Variants in UGGT2 observed in about 807,000 individuals in gnomAD.
UGGT2 encodes UDP-glucose glycoprotein glucosyltransferase 2.
In UGGT2, 180 loss-of-function variants were observed where a neutral mutation model predicts 192.1. That is an observed-to-expected ratio of 0.94 (90% CI 0.83 to 1.06). UGGT2 has a LOEUF of 1.06. Among genes scored for constraint, UGGT2 ranks in the 50% least tolerant of loss-of-function variants. The probability of loss-of-function intolerance (pLI) is 0.00; values close to 1 mark genes in which losing one functional copy is unlikely to be tolerated. For missense variants in UGGT2, 1,849 were observed against 1,795.7 expected (o/e 1.03, Z -0.54); for synonymous variants, 580 against 591.0 (o/e 0.98, Z 0.27).
At chr13:95,817,820 A>G (rs1218533090) in intron 38 of UGGT2, among the ~76,000 whole-genome samples, 2 of 152,158 alleles carry the variant, frequency 1.3e-5, no homozygotes, top group African/African-American at 2.4e-5. Context: ...ATTACAGATG[A>G]CATTCATTGC....
intron 20 of UGGT2, among the ~76,000 whole-genome samples, chr13:95,907,366 A>C (rs2140317832): frequency 6.6e-6 from 1 of 152,226 alleles, no homozygotes; most frequent in East Asian, 1.9e-4. Flanking sequence ...ACTTCTGCAG[A>C]CTTAAACGTC....
chr13:95,973,197 T>C (rs2050831678), intron 10 of UGGT2, among the ~76,000 whole-genome samples: 1 of 151,704 alleles, frequency 6.6e-6, no homozygotes, highest in Non-Finnish European at 1.5e-5. Flanking sequence ...TAATAAATAA[T>C]AAATAAAAAT....
rs1218643806 is a variant in UGGT2, at chr13:95,927,023, A to T, written c.2200+5T>A. ...GAATTCAGGTAAATAAAATATGCTT[A>T]TTACCGTCTTGGGTTAAATAATACA... On this transcript the variant is annotated splice_donor_5th_base_variant and intron_variant, in intron 19 of 38. Coordinates refer to ENST00000376747, the MANE Select transcript of UGGT2 (RefSeq NM_020121.4). 1.9e-6 allele frequency: 3 copies of T among 1,593,564 alleles called. No homozygotes were observed. The highest frequency in any genetic ancestry group is 2.6e-6 in the Non-Finnish European group (3 of 1,172,920).
At chr13:96,019,123 G>C (rs1333441862) in intron 4 of UGGT2, among the ~76,000 whole-genome samples, 3 of 4,614 alleles carry the variant, frequency 6.5e-4, no homozygotes, top group Non-Finnish European at 1.9e-3. Flanking sequence ...CCTACATAGC[G>C]GGGGGGGGGG....
rs752822761 is a variant in UGGT2, at chr13:95,939,982, TG to T, written c.1786del (p.His596IlefsTer17). ...CTTTCTTTCTTCATCATATTTAGAA[TG>T]AATTCCCAAAATATCCCAAATATTA... ...HANIWDILGI[H>X]SKYDEERKAG... is the part of the protein sequence containing the mutation. On this transcript the variant is annotated frameshift_variant, in exon 16 of 39. Transcript: ENST00000376747. LOFTEE classifies it high-confidence loss of function. The T allele has an allele frequency of 1.1e-5, 17 of 1,601,980 alleles. No individual in the cohort carries two copies. The South Asian group carries it at 1.8e-4, about 17-fold the overall frequency.
At chr13:95,854,596 G>C (rs950887685) in intron 34 of UGGT2, 121 bp from the exon 35 acceptor site, 7 of 768,252 alleles carry the variant, frequency 9.1e-6, no homozygotes, top group African/African-American at 7.2e-5. Flanking sequence ...TGTCCTCACA[G>C]TGCTTTCATG....
intron 38 of UGGT2, among the ~76,000 whole-genome samples, chr13:95,805,270 T>TAAAAA (rs199678189): frequency 7.0e-6 from 1 of 141,938 alleles, no homozygotes. Context: ...ATGACTGCTA[T>TAAAAA]AAAAAAAAAA....
intron 2 of UGGT2, among the ~76,000 whole-genome samples, chr13:96,026,086 T>C (rs1031664157): frequency 6.6e-6 from 1 of 151,764 alleles, no homozygotes; most frequent in Non-Finnish European, 1.5e-5. Context: ...AAGAAAACTT[T>C]CCAGAATTAA....
Position 95,856,177 on chromosome 13 carries a change from A to G in UGGT2, c.3989T>C (p.Ile1330Thr), listed in dbSNP as rs376450207. Residue 1330 changes from isoleucine (I) to threonine (T), a missense_variant, in exon 34 of 39, where the codon ATT becomes ACT. Physicochemically the swap from Ile to Thr is moderately conservative, Grantham distance 89. Transcript: ENST00000376747. ...VLFPLAVDKIIFVDADQIVRH... is the reference protein window; with the variant it reads ...VLFPLAVDKITFVDADQIVRH... ...TATTACCTGGTCAGCATCAACAAAA[A>G]TGATTTTGTCCACTGCTAGTGGGAA... 9 of 1,610,950 alleles carry G rather than the reference A, an allele frequency of 5.6e-6. No homozygotes were observed. The South Asian group carries it at 7.7e-5, about 14-fold the overall frequency.
At chr13:95,909,823 G>C (rs941048905) in intron 20 of UGGT2, among the ~76,000 whole-genome samples, 1 of 88,036 alleles carries the variant, frequency 1.1e-5, no homozygotes, top group Non-Finnish European at 2.5e-5. Context: ...AAAAAAAACT[G>C]TTAAGGGCAA....
At chr13:95,861,960 T>A (rs1890209674) in intron 31 of UGGT2, among the ~76,000 whole-genome samples, 1 of 152,218 alleles carries the variant, frequency 6.6e-6, no homozygotes, top group South Asian at 2.1e-4. Flanking sequence ...GGTATCCTTT[T>A]AATATAGCAA....
chr13:95,801,633 A>C lies in UGGT2; in HGVS notation c.*157T>G. 6.1e-6 allele frequency: 4 copies of C among 651,352 alleles called. No homozygotes were observed. The highest frequency in any genetic ancestry group is 1.0e-5 in the Non-Finnish European group (4 of 397,234). 40.3% of individuals were successfully genotyped at this position (651,352 alleles called of 1,614,324 possible). A position where few individuals can be genotyped will look rare whatever the true frequency, so the allele number is the denominator to read the frequency against. On this transcript the variant is annotated 3_prime_UTR_variant, in exon 39 of 39. Coordinates refer to ENST00000376747, the MANE Select transcript of UGGT2 (RefSeq NM_020121.4). The stretch of plus-strand genomic sequence containing the variant: ...ATAACTTAAACTCATTCAATACATT[A>C]AATAACTGTTTTAAATAATTACAAT...
intron 10 of UGGT2, among the ~76,000 whole-genome samples, chr13:95,976,517 C>T (rs1480905571): frequency 2.0e-5 from 3 of 152,058 alleles, no homozygotes; most frequent in Admixed American, 1.3e-4. Flanking sequence ...TCCATTGTGG[C>T]TTTACTAATG....
intron 20 of UGGT2, among the ~76,000 whole-genome samples, chr13:95,903,687 A>G (rs2048181091): frequency 6.6e-6 from 1 of 152,194 alleles, no homozygotes. Flanking sequence ...ATTCCATCAT[A>G]TGAATATACA....
chr13:96,025,421 G>C (rs1467450363), intron 2 of UGGT2, among the ~76,000 whole-genome samples: 4 of 152,152 alleles, frequency 2.6e-5, no homozygotes, highest in African/African-American at 9.7e-5. Context: ...TATAGGCCAA[G>C]GGAAATAAGT....
At chr13:95,905,778 G>A (rs1267971625) in intron 20 of UGGT2, among the ~76,000 whole-genome samples, 3 of 151,884 alleles carry the variant, frequency 2.0e-5, no homozygotes, top group South Asian at 2.1e-4. Context: ...TTGGTGATGC[G>A]GGCTCTTTTT....
chr13:95,860,832 G>A lies in UGGT2; in HGVS notation c.3696C>T (p.Asn1232=), dbSNP rs375438988. The stretch of plus-strand genomic sequence containing the variant: ...AATGACCAGAAGCAACTGAAAAAAT[G>A]TTTAGGACATCTTTTTCCTTTTTGT... ...KENKKEKDVL[N]IFSVASGHLY... is the part of the protein sequence containing the mutation. Residue 1232 remains asparagine (N), a synonymous_variant, in exon 32 of 39, where the codon AAC becomes AAT. Transcript: ENST00000376747. 4.3e-5 allele frequency: 68 copies of A among 1,569,632 alleles called. No individual in the cohort carries two copies. The highest frequency in any genetic ancestry group is 5.9e-5 in the Non-Finnish European group (68 of 1,159,260).
At chr13:95,822,887 A>G (rs1885652807) in intron 38 of UGGT2, among the ~76,000 whole-genome samples, 1 of 151,518 alleles carries the variant, frequency 6.6e-6, no homozygotes. Flanking sequence ...GAGGTTGTCT[A>G]TTTGTGCTCT....
At chr13:95,932,013 TTC>T (rs1433653475) in intron 17 of UGGT2, among the ~76,000 whole-genome samples, 1 of 152,216 alleles carries the variant, frequency 6.6e-6, no homozygotes, top group Non-Finnish European at 1.5e-5. Flanking sequence ...TTCAGATTTG[TTC>T]TTTTTCTTGG....
Sources: allele counts gnomAD v4.1 joint callset (sites outside exome capture counted in the v4.1 genomes callset), GRCh38; gene constraint gnomAD v4.1.1; transcripts MANE v1.5; gene names NCBI Gene and HGNC (gene_info 2026-07-23, HGNC 2026-07-21).